PCDH7: variants seen among roughly 807,000 people sequenced by gnomAD.
The protein encoded by PCDH7 is protocadherin-7.
PCDH7 carries 17 observed loss-of-function variants against 58.9 expected under a neutral mutation model. That is an observed-to-expected ratio of 0.29 (90% CI 0.20 to 0.43). The LOEUF (loss-of-function observed/expected upper bound fraction) is 0.43, where lower values mean the gene tolerates loss of function less well. Ranked by LOEUF, PCDH7 falls within the 20% of genes least tolerant of loss-of-function variation. PCDH7 has a pLI of 1.00. For missense variants in PCDH7, 1,274 were observed against 1,441.0 expected, an observed-to-expected ratio of 0.88 and a Z score of 1.88; for synonymous variants, 664 against 616.4, an observed-to-expected ratio of 1.08 and a Z score of -1.14.
intron 3 of PCDH7, among the ~76,000 whole-genome samples, chr4:31,134,440 C>T (rs554509852): frequency 1.3e-5 from 2 of 152,106 alleles, no homozygotes; most frequent in African/African-American, 4.8e-5. Context: ...AACCTGGTGA[C>T]AGAGCTAGAC....
intron 1 of PCDH7, among the ~76,000 whole-genome samples, chr4:30,903,322 T>C (rs1740475060): frequency 6.6e-6 from 1 of 152,108 alleles, no homozygotes; most frequent in South Asian, 2.1e-4. Flanking sequence ...TAACTCCAAT[T>C]AGGCTCCAAT....
chr4:31,066,253 GCT>G (rs1356615022), intron 3 of PCDH7, among the ~76,000 whole-genome samples: 1 of 151,860 alleles, frequency 6.6e-6, no homozygotes, highest in Non-Finnish European at 1.5e-5. Context: ...AGGAAAGGAG[GCT>G]CTGTTTCTTT....
intron 1 of PCDH7, among the ~76,000 whole-genome samples, chr4:30,871,584 G>A (rs1183682421): frequency 6.6e-6 from 1 of 152,074 alleles, no homozygotes; most frequent in African/African-American, 2.4e-5. Context: ...TAAAAACAAA[G>A]TGTCGATGAT....
chr4:31,088,100 TTCTA>T (rs1712712294), intron 3 of PCDH7, among the ~76,000 whole-genome samples: 2 of 152,046 alleles, frequency 1.3e-5, no homozygotes, highest in East Asian at 3.9e-4. Flanking sequence ...CAGATTCTGT[TTCTA>T]TCTACTTTGC....
At chr4:30,849,104 A>G (rs1017814198) in intron 1 of PCDH7, among the ~76,000 whole-genome samples, 1 of 152,084 alleles carries the variant, frequency 6.6e-6, no homozygotes, top group Non-Finnish European at 1.5e-5. Context: ...AGTGGAGAAA[A>G]ATAGCATAGG....
At chr4:30,824,144 T>TTTCTTTCG (rs1560408025) in intron 1 of PCDH7, among the ~76,000 whole-genome samples, 9 of 147,856 alleles carry the variant, frequency 6.1e-5, no homozygotes, top group African/African-American at 2.2e-4. Context: ...TCTTTCTTTC[T>TTTCTTTCG]TTCTTTCTTT....
At chr4:31,113,589 C>T (rs570144437) in intron 3 of PCDH7, among the ~76,000 whole-genome samples, 59 of 152,078 alleles carry the variant, frequency 3.9e-4, no homozygotes, top group African/African-American at 8.7e-4. Flanking sequence ...TATAGTCTCA[C>T]GCTGCATAAA....
intron 1 of PCDH7, among the ~76,000 whole-genome samples, chr4:30,745,152 C>T (rs927242852): frequency 1.3e-5 from 2 of 152,112 alleles, no homozygotes; most frequent in Non-Finnish European, 2.9e-5. Flanking sequence ...AATGTTTACA[C>T]CCTCCCATGG....
chr4:30,853,746 G>A (rs753714403), intron 1 of PCDH7, among the ~76,000 whole-genome samples: 3 of 151,946 alleles, frequency 2.0e-5, no homozygotes, highest in Non-Finnish European at 4.4e-5. Flanking sequence ...TCTTCTATTA[G>A]CATCCCTTTT....
intron 1 of PCDH7, among the ~76,000 whole-genome samples, chr4:30,911,773 T>G (rs1741810970): frequency 6.6e-6 from 1 of 152,158 alleles, no homozygotes; most frequent in Admixed American, 6.6e-5. Context: ...ATTCATTATT[T>G]TCTTCTCATT....
At chr4:31,027,863 A>G (rs530685902) in intron 3 of PCDH7, among the ~76,000 whole-genome samples, 39 of 152,314 alleles carry the variant, frequency 2.6e-4, no homozygotes, top group Admixed American at 2.2e-3. Flanking sequence ...TTCCATGTGA[A>G]CTAACCTGCT....
chr4:30,933,096 G>A (rs1210385752), intron 2 of PCDH7, among the ~76,000 whole-genome samples: 1 of 151,306 alleles, frequency 6.6e-6, no homozygotes, highest in East Asian at 2.0e-4. Context: ...GCCTGATCTC[G>A]GCTCACTGCA....
chr4:31,142,964 C>T (rs563656312), downstream of PCDH7: 2 of 695,262 alleles, frequency 2.9e-6, no homozygotes, highest in Admixed American at 3.2e-5. Flanking sequence ...AGAGACAAAG[C>T]TTTGCCTGCC....
intron 1 of PCDH7, among the ~76,000 whole-genome samples, chr4:30,770,257 G>A (rs1257547623): frequency 3.3e-5 from 5 of 152,118 alleles, no homozygotes; most frequent in African/African-American, 1.2e-4. Flanking sequence ...TGCTACTAAC[G>A]TACCAAGTTC....
intron 1 of PCDH7, among the ~76,000 whole-genome samples, chr4:30,892,248 T>C (rs1738709105): frequency 6.6e-6 from 1 of 152,052 alleles, no homozygotes; most frequent in South Asian, 2.1e-4. Flanking sequence ...AATAATATGA[T>C]TTATTTTCAA....
intron 2 of PCDH7, among the ~76,000 whole-genome samples, chr4:30,948,739 T>C (rs1181648330): frequency 6.6e-6 from 1 of 152,152 alleles, no homozygotes; most frequent in Admixed American, 6.6e-5. Context: ...TAATCTCTTA[T>C]GACAACCAAT....
rs532025046 is a variant in PCDH7 at position 30,929,248 on chromosome 4, G to C, written c.287+8879G>C. 1.4e-4 allele frequency among the ~76,000 whole-genome samples: 22 copies of C among 152,260 alleles called. No homozygotes were observed. In the East Asian group the frequency reaches 4.2e-3, roughly 29 times the overall value. Reference sequence around the variant, plus strand: ...ATTTTTAAGAAAACCCATTTCTTCTGTGGCAGTTGCAAATTGTTTTTGTAA... The same window carrying C: ...ATTTTTAAGAAAACCCATTTCTTCTCTGGCAGTTGCAAATTGTTTTTGTAA... On this transcript the variant is annotated intron_variant, in intron 2 of 3. Transcript: ENST00000509759.
chr4:31,035,247 C>CTTT (rs35099580), intron 3 of PCDH7, among the ~76,000 whole-genome samples: 490 of 99,358 alleles, frequency 4.9e-3, no homozygotes, highest in Non-Finnish European at 5.5e-3. Context: ...CCTTTTTTCC[C>CTTT]TTTTTTTTTT....
intron 1 of PCDH7, among the ~76,000 whole-genome samples, chr4:30,895,777 T>A (rs6818328): frequency 0.14 from 20,786 of 152,176 alleles, 1,640 homozygotes; most frequent in African/African-American, 0.21. Flanking sequence ...GCAAATTTTC[T>A]TTACATTCTA....
Sources: gnomAD v4.1 joint callset for allele counts (sites outside exome capture counted in the v4.1 genomes callset) on GRCh38, gnomAD v4.1.1 for gene constraint, MANE v1.5 for transcripts, NCBI Gene and HGNC (gene_info 2026-07-23, HGNC 2026-07-21) for gene names.